Variants in DNAJC1 observed in about 807,000 individuals in gnomAD.
The protein encoded by DNAJC1 is dnaJ homolog subfamily C member 1.
Under a neutral mutation model 76.6 loss-of-function variants are expected in DNAJC1, and 58 were observed. The ratio of observed to expected loss-of-function variants is 0.76; its 90% confidence interval spans 0.61 to 0.94. The LOEUF is 0.94. Among genes scored for constraint, DNAJC1 ranks in the 40% least tolerant of loss-of-function variants. The pLI, the probability that DNAJC1 is intolerant of heterozygous loss-of-function variation, is 0.00. For synonymous variants in DNAJC1, 258 were observed against 267.9 expected, an observed-to-expected ratio of 0.96 and a Z score of 0.36; for missense variants, 689 against 677.3, an observed-to-expected ratio of 1.02 and a Z score of -0.19.
chr10:21,850,508 A>G (rs1382956122), intron 8 of DNAJC1, among the ~76,000 whole-genome samples: 2 of 151,740 alleles, frequency 1.3e-5, no homozygotes, highest in Non-Finnish European at 2.9e-5. Flanking sequence ...ATGTATTGGA[A>G]TACTTAATAT....
intron 8 of DNAJC1, among the ~76,000 whole-genome samples, chr10:21,833,182 T>C (rs1835389398): frequency 6.6e-6 from 1 of 152,214 alleles, no homozygotes; most frequent in African/African-American, 2.4e-5. Flanking sequence ...GTTAAGAGCA[T>C]GAGTTCTGGC....
intron 8 of DNAJC1, among the ~76,000 whole-genome samples, chr10:21,864,431 C>T (rs1308245592): frequency 6.6e-6 from 1 of 151,996 alleles, no homozygotes; most frequent in Non-Finnish European, 1.5e-5. Flanking sequence ...ACCATCCTGG[C>T]TAATGCAGGG....
At chr10:21,928,999 A>C in intron 2 of DNAJC1, 41 bp downstream of exon 2, 1 of 1,277,656 alleles carries the variant, frequency 7.8e-7, no homozygotes, top group African/African-American at 1.5e-5. Flanking sequence ...ATGTTAATAC[A>C]TTTGTCACAA....
At chr10:21,993,200 T>G (rs1838355463) in intron 1 of DNAJC1, among the ~76,000 whole-genome samples, 1 of 152,162 alleles carries the variant, frequency 6.6e-6, no homozygotes, top group Non-Finnish European at 1.5e-5. Flanking sequence ...ATAAATATAT[T>G]TACTATACAC....
intron 8 of DNAJC1, among the ~76,000 whole-genome samples, chr10:21,815,284 T>G (rs1218947359): frequency 1.3e-5 from 2 of 152,198 alleles, no homozygotes; most frequent in African/African-American, 4.8e-5. Context: ...ACCATGGTAG[T>G]AGAAGTCATT....
chr10:21,948,253 G>A (rs1303451281), intron 1 of DNAJC1, among the ~76,000 whole-genome samples: 4 of 151,988 alleles, frequency 2.6e-5, no homozygotes, highest in South Asian at 2.1e-4. Context: ...ACCACGCCTG[G>A]CCCAACTTGC....
intron 1 of DNAJC1, among the ~76,000 whole-genome samples, chr10:21,938,134 T>C (rs958401846): frequency 6.6e-6 from 1 of 152,280 alleles, no homozygotes; most frequent in South Asian, 2.1e-4. Flanking sequence ...AGATTTTAAT[T>C]CATTAATGTT....
intron 1 of DNAJC1, among the ~76,000 whole-genome samples, chr10:21,941,233 C>T (rs1296713680): frequency 2.3e-5 from 3 of 130,776 alleles, no homozygotes; most frequent in East Asian, 2.5e-4. Flanking sequence ...CGCGCCACTA[C>T]ACTCCAGCCT....
intron 8 of DNAJC1, among the ~76,000 whole-genome samples, chr10:21,848,142 C>T (rs574549504): frequency 6.6e-6 from 1 of 152,232 alleles, no homozygotes; most frequent in Non-Finnish European, 1.5e-5. Context: ...TTTTTGATAA[C>T]AGTCACTTTA....
intron 8 of DNAJC1, among the ~76,000 whole-genome samples, chr10:21,864,582 A>C (rs1211977835): frequency 6.6e-6 from 1 of 151,776 alleles, no homozygotes; most frequent in African/African-American, 2.4e-5. Context: ...ATATCACGCC[A>C]CTGCACTCCA....
rs112279121 is a variant in DNAJC1 at position 21,885,704 on chromosome 10, C to T, written c.821-3265G>A. The stretch of plus-strand genomic sequence containing the variant: ...ACTTGCTCAAAAGAATGCAATTACA[C>T]GGAAATTAAATGACATACTCCTGAA... On this transcript the variant is annotated intron_variant, in intron 7 of 11. Coordinates refer to ENST00000376980, the MANE Select transcript of DNAJC1 (RefSeq NM_022365.4). Among the ~76,000 whole-genome samples, 7 of 152,068 alleles carry T rather than the reference C, an allele frequency of 4.6e-5. 1 individual carries two copies. The highest frequency in any genetic ancestry group is 1.7e-4 in the African/African-American group (7 of 41,494).
At chr10:21,763,508 A>T (rs1480300361) in intron 10 of DNAJC1, among the ~76,000 whole-genome samples, 1 of 150,722 alleles carries the variant, frequency 6.6e-6, no homozygotes, top group Non-Finnish European at 1.5e-5. Context: ...CCAGACTCAG[A>T]CACTTTTCAT....
chr10:21,808,813 G>A (rs1196794868), intron 8 of DNAJC1, among the ~76,000 whole-genome samples: 2 of 152,242 alleles, frequency 1.3e-5, no homozygotes, highest in Non-Finnish European at 2.9e-5. Flanking sequence ...CCGAAACACC[G>A]GGCCAAATAT....
chr10:21,897,751 C>T (rs1836567107), intron 7 of DNAJC1, among the ~76,000 whole-genome samples: 1 of 152,210 alleles, frequency 6.6e-6, no homozygotes, highest in Non-Finnish European at 1.5e-5. Flanking sequence ...CTACAAAACA[C>T]CTACAGCTTA....
intron 3 of DNAJC1, among the ~76,000 whole-genome samples, chr10:21,924,604 T>C (rs1837091273): frequency 6.6e-6 from 1 of 152,224 alleles, no homozygotes; most frequent in Non-Finnish European, 1.5e-5. Context: ...GCTGGGCTAC[T>C]ATTTCCCAAA....
intron 1 of DNAJC1, among the ~76,000 whole-genome samples, chr10:21,945,829 T>C (rs1837495152): frequency 6.6e-6 from 1 of 152,162 alleles, no homozygotes; most frequent in South Asian, 2.1e-4. Flanking sequence ...ATAGGACTGG[T>C]AAGCTAGTTT....
rs565463291 is a variant in DNAJC1 at position 21,932,039 on chromosome 10, C to T, written c.223-2898G>A. On this transcript the variant is annotated intron_variant, in intron 1 of 11. Transcript: ENST00000376980. ...GAAAAAAAACAAAAACAAAACAAAA[C>T]GAAAAAACACTCTGAGGCTGGGTGT... Among the ~76,000 whole-genome samples the T allele has an allele frequency of 4.3e-4, 66 of 151,940 alleles. No homozygotes were observed. The South Asian group carries it at 0.011, about 25-fold the overall frequency.
At chr10:22,001,090 T>A (rs1245879020) in intron 1 of DNAJC1, among the ~76,000 whole-genome samples, 1 of 152,244 alleles carries the variant, frequency 6.6e-6, no homozygotes, top group Non-Finnish European at 1.5e-5. Flanking sequence ...GCTTAGGGGT[T>A]TTGTTTTATA....
intron 9 of DNAJC1, among the ~76,000 whole-genome samples, chr10:21,778,681 C>T (rs920064873): frequency 5.3e-5 from 8 of 152,152 alleles, no homozygotes; most frequent in Non-Finnish European, 8.8e-5. Flanking sequence ...ACGGAGAAGA[C>T]GGGTGATTTC....
Sources: allele counts gnomAD v4.1 joint callset (sites outside exome capture counted in the v4.1 genomes callset), GRCh38; gene constraint gnomAD v4.1.1; transcripts MANE v1.5; gene names NCBI Gene and HGNC (gene_info 2026-07-23, HGNC 2026-07-21).